MLXIPL: variants seen among roughly 807,000 people sequenced by gnomAD.
MLXIPL encodes carbohydrate-responsive element-binding protein.
In MLXIPL, 49 loss-of-function variants were observed where a neutral mutation model predicts 81.5. The ratio of observed to expected loss-of-function variants is 0.60; its 90% CI spans 0.48 to 0.76. The LOEUF (loss-of-function observed/expected upper bound fraction) is 0.76. MLXIPL is among the 30% of genes least tolerant of loss of function. MLXIPL has a pLI of 0.00. For missense variants in MLXIPL, 1,053 were observed against 1,167.0 expected (o/e 0.90, Z 1.42); for synonymous variants, 466 against 485.5 (o/e 0.96, Z 0.53).
intron 2 of MLXIPL, among the ~76,000 whole-genome samples, chr7:73,612,103 A>T (rs998341900): frequency 6.6e-6 from 1 of 151,950 alleles, no homozygotes; most frequent in Admixed American, 6.6e-5. Context: ...AACTGAGAGG[A>T]TTGCTTGAGG....
Position 73,623,837 on chromosome 7 carries a change from G to A in MLXIPL, c.293+363C>T, listed in dbSNP as rs1294639298. Among the ~76,000 whole-genome samples the A allele has an allele frequency of 3.9e-5, 6 of 151,992 alleles. No homozygotes were observed. The East Asian group carries it at 1.2e-3, about 30-fold the overall frequency. On this transcript the variant is annotated intron_variant, in intron 1 of 16. Coordinates refer to ENST00000313375, the MANE Select transcript of MLXIPL (RefSeq NM_032951.3). The surrounding 1 kb of genome is among the most constrained non-coding windows in gnomAD (Gnocchi z 5.7). ...AGAGTGGAGAGTGGGGATGGGCGCGGGTGGCCTAGGGACCAGGGGCGCCTG... is the reference window on the plus strand; with the variant it reads ...AGAGTGGAGAGTGGGGATGGGCGCGAGTGGCCTAGGGACCAGGGGCGCCTG...
chr7:73,600,973 C>T (rs1244309779), intron 7 of MLXIPL, among the ~76,000 whole-genome samples: 6 of 151,922 alleles, frequency 3.9e-5, no homozygotes, highest in African/African-American at 1.2e-4. Context: ...TCCGTGCCAG[C>T]TCCTGAGGCC....
At chr7:73,599,731 G>A in intron 7 of MLXIPL, 36 bp from the exon 8 acceptor site, 1 of 1,581,296 alleles carries the variant, frequency 6.3e-7, no homozygotes, top group South Asian at 1.2e-5. Flanking sequence ...AGCAGTTAGG[G>A]CCAGGGCTAT....
At chr7:73,619,100 G>T (rs184107896) in intron 1 of MLXIPL, among the ~76,000 whole-genome samples, 4 of 152,280 alleles carry the variant, frequency 2.6e-5, no homozygotes, top group African/African-American at 9.6e-5. Context: ...GAGGCAGGAG[G>T]ACTGTAGGAG....
chr7:73,617,141 G>T (rs145952249), intron 1 of MLXIPL, among the ~76,000 whole-genome samples: 4 of 152,066 alleles, frequency 2.6e-5, no homozygotes, highest in African/African-American at 9.6e-5. Flanking sequence ...TCGGCCTCCC[G>T]AGTAGCTGGG....
the MLXIPL span, among the ~76,000 whole-genome samples, chr7:73,641,727 C>T: frequency 6.6e-6 from 1 of 152,144 alleles, no homozygotes; most frequent in Non-Finnish European, 1.5e-5. Flanking sequence ...CCTCCACCTC[C>T]AGGGTTCAAG....
chr7:73,595,528 G>C, intron 15 of MLXIPL, 109 bp downstream of exon 15: 1 of 1,607,242 alleles, frequency 6.2e-7, no homozygotes. Flanking sequence ...CCTGGGAGCA[G>C]CTCTGAGCCT....
At chr7:73,630,610 C>T in the MLXIPL span, among the ~76,000 whole-genome samples, 1 of 152,092 alleles carries the variant, frequency 6.6e-6, no homozygotes, top group African/African-American at 2.4e-5. Flanking sequence ...TGATTTTCAA[C>T]ACATTTTGCA....
At chr7:73,622,723 A>C (rs1554602571) in intron 1 of MLXIPL, among the ~76,000 whole-genome samples, 1 of 147,464 alleles carries the variant, frequency 6.8e-6, no homozygotes, top group East Asian at 2.1e-4. Flanking sequence ...CTGGGGTTAC[A>C]TCAGCCTTGA....
chr7:73,617,744 G>A (rs1482599860), intron 1 of MLXIPL, among the ~76,000 whole-genome samples: 8 of 152,042 alleles, frequency 5.3e-5, no homozygotes, highest in African/African-American at 1.9e-4. Context: ...TACTAGGGAG[G>A]CGAGGTCAGA....
At chr7:73,636,266 C>T in the MLXIPL span, among the ~76,000 whole-genome samples, 3 of 151,814 alleles carry the variant, frequency 2.0e-5, no homozygotes, top group Non-Finnish European at 2.9e-5. Context: ...AAAAATTAGC[C>T]GGATCCGGTG....
intron 7 of MLXIPL, among the ~76,000 whole-genome samples, chr7:73,602,172 C>CCTTCCTTCCTT (rs1794919114): frequency 6.7e-6 from 1 of 148,744 alleles, no homozygotes; most frequent in Non-Finnish European, 1.5e-5. Flanking sequence ...TCCTTTCTTT[C>CCTTCCTTCCTT]CCTCTCTCTC....
At chr7:73,594,208 G>T in intron 16 of MLXIPL, 66 bp downstream of exon 16, 2 of 1,602,636 alleles carry the variant, frequency 1.2e-6, no homozygotes, top group Non-Finnish European at 8.5e-7. Flanking sequence ...GATCTAAGCA[G>T]GGTGGAATGC....
intron 1 of MLXIPL, among the ~76,000 whole-genome samples, chr7:73,622,345 A>T (rs1319431731): frequency 3.3e-5 from 5 of 151,984 alleles, no homozygotes; most frequent in Non-Finnish European, 7.4e-5. Flanking sequence ...ACAAAAAATT[A>T]GCTGGAGGTG....
At chr7:73,597,852 T>G (rs1794477452) in intron 8 of MLXIPL, 139 bp from the exon 9 acceptor site, 1 of 481,208 alleles carries the variant, frequency 2.1e-6, no homozygotes, top group Admixed American at 4.2e-5. Flanking sequence ...AAATGAGCCC[T>G]GCCTTCCAAC....
chr7:73,629,780 CTG>C, the MLXIPL span, among the ~76,000 whole-genome samples: 2 of 151,974 alleles, frequency 1.3e-5, no homozygotes, highest in African/African-American at 4.8e-5. Context: ...AGCCTGTCAA[CTG>C]TGTGTATATG....
In MLXIPL at chr7:73,593,961, C is replaced by T. The variant is rs1794051775; in HGVS notation, c.2463G>A (p.Gln821=). The change falls in exon 17 of 17, where the codon CAG becomes CAA. Residue 821 remains glutamine, a synonymous_variant. Coordinates refer to ENST00000313375, the MANE Select transcript of MLXIPL (RefSeq NM_032951.3). ...TCAGGATACTGGTAGATGTGCCCAGCTGGCGTAGGGAGTTCAGGACAGCTG... is the reference window on the plus strand; with the variant it reads ...TCAGGATACTGGTAGATGTGCCCAGTTGGCGTAGGGAGTTCAGGACAGCTG... ...LRPTVLNSLR[Q]LGTSTSILTD... The T allele has an allele frequency of 6.2e-7, 1 of 1,613,960 alleles. No individual in the cohort carries two copies.
At position 73,596,463 on chromosome 7, in the gene MLXIPL, C is replaced by G; in HGVS notation, c.1839G>C (p.Leu613=). 1 of 1,612,830 alleles carries G rather than the reference C, an allele frequency of 6.2e-7. No individual in the cohort carries two copies. ...PPAPSGSERR[L]SGDLSSMPGP... is the part of the protein sequence containing the mutation. ...CTGGCATGGAGCTGAGGTCCCCTGA[C>G]AGCCGCCGTTCACTGCCTGTGGTAG... is the stretch of plus-strand genomic sequence containing the variant. Residue 613 remains leucine (L), a synonymous_variant, in exon 12 of 17, where the codon CTG becomes CTC. Transcript: ENST00000313375. This position sits in a 1 kb window ranked among gnomAD's most constrained non-coding sequence, Gnocchi z 4.7.
chr7:73,604,777 T>C (rs1355725018), intron 7 of MLXIPL, among the ~76,000 whole-genome samples: 2 of 152,040 alleles, frequency 1.3e-5, no homozygotes, highest in East Asian at 1.9e-4. Flanking sequence ...TTATTTTAAT[T>C]TTTTTGAGAC....
Sources: gnomAD v4.1 joint callset for allele counts (sites outside exome capture counted in the v4.1 genomes callset) on GRCh38, gnomAD v4.1.1 for gene constraint, Gnocchi (gnomAD v3.1) non-coding constraint, MANE v1.5 for transcripts, NCBI Gene and HGNC (gene_info 2026-07-23, HGNC 2026-07-21) for gene names.